APC: variants seen among roughly 807,000 people sequenced by gnomAD.
APC encodes the protein APC regulator of Wnt signaling pathway.
Under a neutral mutation model 247.0 loss-of-function variants are expected in APC, and 72 were observed. The observed-to-expected ratio is 0.29, with a 90% CI of 0.24 to 0.35. APC has a LOEUF of 0.35. Ranked by LOEUF, APC falls within the 10% of genes least tolerant of loss-of-function variation. The pLI, the probability that APC is intolerant of heterozygous loss-of-function variation, is 1.00. For synonymous variants in APC, 1,254 were observed against 1,162.5 expected, an observed-to-expected ratio of 1.08 and a Z score of -1.60; for missense variants, 3,400 against 3,360.7, an observed-to-expected ratio of 1.01 and a Z score of -0.29.
intron 8 of APC, among the ~76,000 whole-genome samples, chr5:112,802,105 CAG>C (rs1760892728): frequency 6.6e-6 from 1 of 151,976 alleles, no homozygotes; most frequent in Non-Finnish European, 1.5e-5. Context: ...TTTTTAAAAA[CAG>C]AATTTCACTA....
chr5:112,710,198 A>G lies in APC; in HGVS notation c.165+2316A>G, dbSNP rs1750770866. 3.3e-5 allele frequency among the ~76,000 whole-genome samples: 5 copies of G among 152,224 alleles called. No homozygotes were observed. The South Asian group carries it at 1.0e-3, about 31-fold the overall frequency. The stretch of plus-strand genomic sequence containing the variant: ...TTTGACCCCTGAAATTCTGAGGGAC[A>G]TCAGAGACAGCTATGTGAGGATATT... On this transcript the variant is annotated intron_variant, in intron 1 of 13. Transcript: ENST00000507379.
At chr5:112,741,792 C>G (rs1301831172) in intron 1 of APC, among the ~76,000 whole-genome samples, 3 of 152,110 alleles carry the variant, frequency 2.0e-5, no homozygotes, top group Non-Finnish European at 4.4e-5. Context: ...CCCCTCCCCC[C>G]AACCCTTGGC....
chr5:112,719,784 C>T (rs919776991), intron 1 of APC, among the ~76,000 whole-genome samples: 1 of 152,192 alleles, frequency 6.6e-6, no homozygotes, highest in African/African-American at 2.4e-5. Context: ...CTCAGGTGAT[C>T]CTCCCACCTC....
chr5:112,749,507 T>G (rs1754065082), intron 1 of APC, among the ~76,000 whole-genome samples: 1 of 135,840 alleles, frequency 7.4e-6, no homozygotes, highest in Non-Finnish European at 1.6e-5. Context: ...TTTTTTGATA[T>G]GGAGTCTTGC....
At chr5:112,728,303 T>G (rs1208547526) in intron 1 of APC, among the ~76,000 whole-genome samples, 1 of 152,148 alleles carries the variant, frequency 6.6e-6, no homozygotes, top group Non-Finnish European at 1.5e-5. Flanking sequence ...ATTGTTTTTT[T>G]GTATTTTTAG....
Position 112,770,019 on chromosome 5 carries a change from C to T in APC, c.422+2629C>T, listed in dbSNP as rs374450993. ...TTGAGCTCTATTAAGAGGCAGAGGGCATGCATACTAACCTTTCCTTACTTG... is the reference window on the plus strand; with the variant it reads ...TTGAGCTCTATTAAGAGGCAGAGGGTATGCATACTAACCTTTCCTTACTTG... On this transcript the variant is annotated intron_variant, in intron 4 of 15. Coordinates refer to ENST00000257430, the MANE Select transcript of APC (RefSeq NM_000038.6). Among the ~76,000 whole-genome samples, 24 of 152,266 alleles carry T rather than the reference C, an allele frequency of 1.6e-4. No homozygotes were observed. In the South Asian group the frequency reaches 5.0e-3, roughly 32 times the overall value.
In APC at chr5:112,839,640, A is replaced by G. The variant is rs748872251; in HGVS notation, c.4046A>G (p.His1349Arg). ...GSSLSSESARHKAVEFSSGAK... is the reference protein window; with the variant it reads ...GSSLSSESARRKAVEFSSGAK... ...AGTTTATCTTCAGAATCAGCCAGGC[A>G]CAAAGCTGTTGAATTTTCTTCAGGA... Residue 1349 changes from histidine (H) to arginine (R), a missense_variant, in exon 16 of 16, where the codon CAC becomes CGC. Physicochemically the swap from His to Arg is conservative, Grantham distance 29. Transcript: ENST00000257430. This position sits in a 1 kb window ranked among gnomAD's most constrained non-coding sequence, Gnocchi z 5.0. 2 of 1,614,070 alleles carry G rather than the reference A, an allele frequency of 1.2e-6. No individual in the cohort carries two copies. The highest frequency in any genetic ancestry group is 8.5e-7 in the Non-Finnish European group (1 of 1,180,032).
At chr5:112,823,867 T>C (rs527647195) in intron 11 of APC, among the ~76,000 whole-genome samples, 2 of 152,244 alleles carry the variant, frequency 1.3e-5, no homozygotes, top group South Asian at 4.1e-4. Context: ...TTTCTGGCAC[T>C]GTAGCAAACA....
intron 2 of APC, among the ~76,000 whole-genome samples, chr5:112,760,964 C>T (rs1346601859): frequency 1.3e-5 from 2 of 152,152 alleles, no homozygotes; most frequent in African/African-American, 4.8e-5. Flanking sequence ...CACCTGCCAC[C>T]ATGCCTGGCT....
At chr5:112,747,369 T>C (rs1308727699) in intron 1 of APC, among the ~76,000 whole-genome samples, 1 of 152,222 alleles carries the variant, frequency 6.6e-6, no homozygotes, top group African/African-American at 2.4e-5. Flanking sequence ...AGTATGAGAA[T>C]TGAGCTATAA....
At chr5:112,721,119 A>G (rs1751460973) in intron 1 of APC, among the ~76,000 whole-genome samples, 1 of 152,058 alleles carries the variant, frequency 6.6e-6, no homozygotes, top group African/African-American at 2.4e-5. Context: ...CATTTTAAAG[A>G]CTGGAAATTT....
chr5:112,812,681 A>G (rs913724309), intron 8 of APC, among the ~76,000 whole-genome samples: 2 of 152,128 alleles, frequency 1.3e-5, no homozygotes, highest in Non-Finnish European at 2.9e-5. Flanking sequence ...GTGTTCATAT[A>G]GTTTCTGTCA....
At chr5:112,782,305 A>G (rs912480935) in intron 6 of APC, among the ~76,000 whole-genome samples, 7 of 152,184 alleles carry the variant, frequency 4.6e-5, no homozygotes, top group African/African-American at 1.7e-4. Flanking sequence ...TAATTTAATT[A>G]TCTCCCACTG....
chr5:112,785,750 A>T (rs1368495783), intron 6 of APC, among the ~76,000 whole-genome samples: 1 of 152,200 alleles, frequency 6.6e-6, no homozygotes, highest in Non-Finnish European at 1.5e-5. Context: ...ATTACTCAAT[A>T]AATTATATAG....
chr5:112,791,323 G>A (rs772878257), intron 6 of APC, among the ~76,000 whole-genome samples: 10 of 152,146 alleles, frequency 6.6e-5, no homozygotes, highest in Non-Finnish European at 1.3e-4. Context: ...TTTAGCCACA[G>A]TTAGGTACTT....
rs751956779 is a variant in APC, at chr5:112,767,296, T to C, written c.328T>C (p.Cys110Arg). 2.5e-6 allele frequency: 4 copies of C among 1,613,980 alleles called. No individual in the cohort carries two copies. The highest frequency in any genetic ancestry group is 1.3e-5 in the African/African-American group (1 of 74,898). ...EGSVSSRSGE[C>R]SPVPMGSFPR... is the part of the protein sequence containing the mutation. Reference sequence around the variant, plus strand: ...ATCTGTATCAAGCCGTTCTGGAGAGTGCAGTCCTGTTCCTATGGGTTCATT... The same window carrying C: ...ATCTGTATCAAGCCGTTCTGGAGAGCGCAGTCCTGTTCCTATGGGTTCATT... Residue 110 changes from cysteine to arginine, a missense_variant, in exon 4 of 16, where the codon TGC becomes CGC. Around this residue, in one of 9 missense-constraint regions of APC, gnomAD observed 372 missense variants for 367.6 expected, o/e 1.01. Coordinates refer to ENST00000257430, the MANE Select transcript of APC (RefSeq NM_000038.6).
chr5:112,724,902 G>T (rs1229584716), intron 1 of APC, among the ~76,000 whole-genome samples: 2 of 152,140 alleles, frequency 1.3e-5, no homozygotes, highest in Non-Finnish European at 2.9e-5. Context: ...CTTTTACTTT[G>T]TCACTGTTTG....
intron 4 of APC, among the ~76,000 whole-genome samples, chr5:112,769,443 A>T (rs952784029): frequency 7.2e-5 from 11 of 152,314 alleles, no homozygotes; most frequent in African/African-American, 2.4e-4. Context: ...CTAGTGTATT[A>T]ATTCTTCTCT....
Position 112,767,275 on chromosome 5 carries a change from G to A in APC, c.307G>A (p.Val103Ile), listed in dbSNP as rs758995578. The A allele has an allele frequency of 6.2e-7, 1 of 1,614,132 alleles. No individual in the cohort carries two copies. The highest frequency in any genetic ancestry group is 8.5e-7 in the Non-Finnish European group (1 of 1,180,002). ...LRSYGSREGS[V>I]SSRSGECSPV... is the part of the protein sequence containing the mutation. ...TTCTTATGGAAGCCGGGAAGGATCT[G>A]TATCAAGCCGTTCTGGAGAGTGCAG... Residue 103 changes from valine (V) to isoleucine (I), a missense_variant, in exon 4 of 16, where the codon GTA becomes ATA. This residue lies in a region of APC where 372 missense variants were observed against 367.6 expected (regional missense o/e 1.01). Transcript: ENST00000257430.
Sources: allele counts gnomAD v4.1 joint callset (sites outside exome capture counted in the v4.1 genomes callset), GRCh38; gene constraint gnomAD v4.1.1; regional missense constraint gnomAD v4.1.1; non-coding constraint Gnocchi (gnomAD v3.1); transcripts MANE v1.5; gene names NCBI Gene and HGNC (gene_info 2026-07-23, HGNC 2026-07-21).